FUT8: variants seen among roughly 807,000 people sequenced by gnomAD.
FUT8 encodes the protein alpha-(1,6)-fucosyltransferase.
In FUT8, 29 loss-of-function variants were observed where a neutral mutation model predicts 71.3. The ratio of observed to expected loss-of-function variants is 0.41; its 90% CI spans 0.30 to 0.55. FUT8 has a LOEUF of 0.55. FUT8 is among the 20% of genes least tolerant of loss of function. The probability of loss-of-function intolerance (pLI) is 0.34; values close to 1 mark genes in which losing one functional copy is unlikely to be tolerated. For synonymous variants in FUT8, 254 were observed against 239.3 expected (o/e 1.06, Z -0.57); for missense variants, 544 against 702.1 (o/e 0.77, Z 2.55).
In FUT8 at chr14:65,638,529, A is replaced by G. The variant is rs1004846818; in HGVS notation, c.597+8923A>G. Among the ~76,000 whole-genome samples the G allele has an allele frequency of 6.6e-6, 1 of 152,112 alleles. No individual in the cohort carries two copies. Among genetic ancestry groups the G allele is most frequent in the Admixed American group, 6.5e-5 (1 of 15,280 alleles). Reference sequence around the variant, plus strand: ...GAGGATAGGGATTTTTTTTCATTCAAAAATAAGTTTTATTGGAGAAATAGA... The same window carrying G: ...GAGGATAGGGATTTTTTTTCATTCAGAAATAAGTTTTATTGGAGAAATAGA... On this transcript the variant is annotated intron_variant, in intron 6 of 10. Transcript: ENST00000673929. The surrounding 1 kb of genome is among the most constrained non-coding windows in gnomAD (Gnocchi z 4.5).
In FUT8 at chr14:65,696,066, A is replaced by G. The variant is rs189448726; in HGVS notation, c.836-25709A>G. ...CTCTCCCATCCCGTAAAGCATTACT[A>G]TCATTCGTGTTAGTTATCCATAAGC... On this transcript the variant is annotated intron_variant, in intron 7 of 10. Transcript: ENST00000673929. Among the ~76,000 whole-genome samples, 219 of 152,280 alleles carry G rather than the reference A, an allele frequency of 1.4e-3. 1 individual carries two copies. Among genetic ancestry groups the G allele is most frequent in the African/African-American group, 4.7e-3 (196 of 41,580 alleles).
intron 3 of FUT8, among the ~76,000 whole-genome samples, chr14:65,580,727 C>G: frequency 6.6e-6 from 1 of 152,030 alleles, no homozygotes; most frequent in South Asian, 2.1e-4. Context: ...TGGGGAAGTT[C>G]ATACTCTGTC....
chr14:65,384,886 G>A, the FUT8 span, among the ~76,000 whole-genome samples: 1 of 150,186 alleles, frequency 6.7e-6, no homozygotes, highest in South Asian at 2.1e-4. This position sits in a 1 kb window ranked among gnomAD's most constrained non-coding sequence, Gnocchi z 4.2. Context: ...ACATTTCTTA[G>A]GTTAGATACT....
chr14:65,519,612 A>G (rs1882949735), intron 2 of FUT8, among the ~76,000 whole-genome samples: 1 of 152,194 alleles, frequency 6.6e-6, no homozygotes, highest in African/African-American at 2.4e-5. Context: ...ATTTTTTTAA[A>G]CTTAATATTC....
At chr14:65,618,165 T>A (rs140796662) in intron 5 of FUT8, among the ~76,000 whole-genome samples, 2,445 of 150,950 alleles carry the variant, frequency 0.016, 66 homozygotes, top group African/African-American at 0.056. Flanking sequence ...GCCTCCTGTG[T>A]AGCTGGGATT....
intron 5 of FUT8, among the ~76,000 whole-genome samples, chr14:65,625,315 T>G (rs1889842472): frequency 6.6e-6 from 1 of 152,150 alleles, no homozygotes; most frequent in East Asian, 1.9e-4. Context: ...CTTTTGTGTT[T>G]CCATGAGCAA....
chr14:65,415,676 T>G (rs1314261989), intron 1 of FUT8, among the ~76,000 whole-genome samples: 1 of 145,780 alleles, frequency 6.9e-6, no homozygotes, highest in Non-Finnish European at 1.5e-5. Context: ...AAAGTAGATA[T>G]AATTCCTTTT....
intron 2 of FUT8, among the ~76,000 whole-genome samples, chr14:65,493,857 G>A (rs941486833): frequency 1.3e-5 from 2 of 151,916 alleles, no homozygotes; most frequent in South Asian, 4.2e-4. Flanking sequence ...TTCAAGGCTG[G>A]TAATTTGGGT....
chr14:65,641,547 C>T (rs527851405), intron 6 of FUT8, among the ~76,000 whole-genome samples: 7 of 152,242 alleles, frequency 4.6e-5, no homozygotes, highest in Admixed American at 3.3e-4. Flanking sequence ...ATGGCTGGGT[C>T]GTATAACAGT....
chr14:65,506,427 A>T (rs925665822), intron 2 of FUT8, among the ~76,000 whole-genome samples: 2 of 152,232 alleles, frequency 1.3e-5, no homozygotes, highest in African/African-American at 2.4e-5. Flanking sequence ...TGGTGATAGC[A>T]GATGTTGGGG....
intron 6 of FUT8, among the ~76,000 whole-genome samples, chr14:65,666,264 C>A (rs960346441): frequency 2.0e-5 from 3 of 151,998 alleles, no homozygotes; most frequent in Admixed American, 1.3e-4. Flanking sequence ...AGGATTCTTT[C>A]CTGAATAAGA....
In FUT8 at chr14:65,703,969, G is replaced by A. The variant is rs78557559; in HGVS notation, c.836-17806G>A. 6.9e-3 allele frequency among the ~76,000 whole-genome samples: 1,049 copies of A among 152,094 alleles called. 8 individuals are homozygous for A. The highest frequency in any genetic ancestry group is 1.0e-2 in the Non-Finnish European group (678 of 68,004). Reference sequence around the variant, plus strand: ...TTTGCTTCCTTTAACATGACTCTGCGTTTTCATTTTCTTCTCTTACGATGT... The same window carrying A: ...TTTGCTTCCTTTAACATGACTCTGCATTTTCATTTTCTTCTCTTACGATGT... On this transcript the variant is annotated intron_variant, in intron 7 of 10. Transcript: ENST00000673929.
intron 2 of FUT8, among the ~76,000 whole-genome samples, chr14:65,519,412 T>G (rs1351035786): frequency 6.6e-6 from 1 of 152,200 alleles, no homozygotes; most frequent in East Asian, 1.9e-4. Flanking sequence ...TCCTTTAATG[T>G]AAGGTTATTT....
intron 3 of FUT8, among the ~76,000 whole-genome samples, chr14:65,570,161 A>G (rs1225858664): frequency 2.0e-5 from 3 of 152,056 alleles, no homozygotes; most frequent in Non-Finnish European, 1.5e-5. Context: ...ATTCTGTCTT[A>G]AAATTACTGT....
At chr14:65,549,701 C>T (rs568260381) in intron 2 of FUT8, among the ~76,000 whole-genome samples, 59 of 152,238 alleles carry the variant, frequency 3.9e-4, no homozygotes, top group African/African-American at 1.3e-3. Context: ...ATCATTTGAA[C>T]GGTTTTTTGT....
chr14:65,648,365 G>T (rs1891211049), intron 6 of FUT8, among the ~76,000 whole-genome samples: 1 of 152,098 alleles, frequency 6.6e-6, no homozygotes, highest in African/African-American at 2.4e-5. Context: ...TGGTATTCCA[G>T]GTGTCAGCTT....
chr14:65,451,757 GGC>G (rs2139541815), intron 1 of FUT8, among the ~76,000 whole-genome samples: 1 of 152,334 alleles, frequency 6.6e-6, no homozygotes, highest in South Asian at 2.1e-4. Flanking sequence ...AGCCATCTCT[GGC>G]AAGATTCTTC....
intron 2 of FUT8, among the ~76,000 whole-genome samples, chr14:65,491,074 T>G (rs2066475515): frequency 6.6e-6 from 1 of 152,088 alleles, no homozygotes; most frequent in Non-Finnish European, 1.5e-5. Context: ...TGGACCATAT[T>G]AAAACTGGTA....
intron 1 of FUT8, among the ~76,000 whole-genome samples, chr14:65,430,604 C>G (rs1465458719): frequency 1.3e-5 from 2 of 152,114 alleles, no homozygotes; most frequent in African/African-American, 4.8e-5. Flanking sequence ...TTATATAGTT[C>G]TCTTGAATAC....
Sources: gnomAD v4.1 joint callset for allele counts (sites outside exome capture counted in the v4.1 genomes callset) on GRCh38, gnomAD v4.1.1 for gene constraint, Gnocchi (gnomAD v3.1) non-coding constraint, MANE v1.5 for transcripts, NCBI Gene and HGNC (gene_info 2026-07-23, HGNC 2026-07-21) for gene names.